ASIC2: variants seen among roughly 807,000 people sequenced by gnomAD.
ASIC2 encodes acid-sensing ion channel 2.
Under a neutral mutation model 57.3 loss-of-function variants are expected in ASIC2, and 25 were observed. The ratio of observed to expected loss-of-function variants is 0.44; its 90% confidence interval spans 0.32 to 0.61. ASIC2 has a LOEUF of 0.61. ASIC2 is among the 20% of genes least tolerant of loss of function. The pLI is 0.06. For missense variants in ASIC2, 641 were observed against 738.1 expected (o/e 0.87, Z 1.52); for synonymous variants, 319 against 307.5 (o/e 1.04, Z -0.39).
At chr17:33,772,386 G>C (rs1567711698) in intron 1 of ASIC2, among the ~76,000 whole-genome samples, 2 of 152,142 alleles carry the variant, frequency 1.3e-5, no homozygotes, top group African/African-American at 4.8e-5. Context: ...TCCATATTTT[G>C]TTGAACTTAA....
At chr17:33,442,047 T>C (rs1477350912) in intron 1 of ASIC2, among the ~76,000 whole-genome samples, 3 of 152,190 alleles carry the variant, frequency 2.0e-5, no homozygotes, top group Non-Finnish European at 2.9e-5. Flanking sequence ...CCCCCCCAAA[T>C]TGATTTAGCA....
intron 1 of ASIC2, among the ~76,000 whole-genome samples, chr17:33,620,240 G>GAAAAAAAAAAAA (rs35560840): frequency 5.3e-5 from 4 of 74,894 alleles, no homozygotes; most frequent in African/African-American, 1.4e-4. Flanking sequence ...AGAGGAAAAT[G>GAAAAAAAAAAAA]AAAAAAAAAA....
intron 1 of ASIC2, among the ~76,000 whole-genome samples, chr17:33,192,467 A>C (rs998013414): frequency 1.3e-5 from 2 of 151,978 alleles, no homozygotes; most frequent in African/African-American, 2.4e-5. Context: ...AACCAAAAAA[A>C]CCAAGACAGA....
intron 1 of ASIC2, among the ~76,000 whole-genome samples, chr17:33,247,427 C>T (rs757160533): frequency 1.3e-5 from 2 of 152,100 alleles, no homozygotes; most frequent in Non-Finnish European, 2.9e-5. Flanking sequence ...AGCTCTCCTT[C>T]GGATCTCTTT....
At chr17:34,028,077 A>G (rs1367679490) in intron 1 of ASIC2, among the ~76,000 whole-genome samples, 1 of 152,224 alleles carries the variant, frequency 6.6e-6, no homozygotes, top group African/African-American at 2.4e-5. Flanking sequence ...AAAAGAATGG[A>G]GCAGAATATA....
intron 1 of ASIC2, among the ~76,000 whole-genome samples, chr17:33,595,707 A>AT (rs1486120291): frequency 6.6e-6 from 1 of 152,064 alleles, no homozygotes; most frequent in African/African-American, 2.4e-5. Context: ...TTCATCTGTA[A>AT]AAATGGAATA....
At chr17:34,067,698 C>T (rs568377542) in intron 1 of ASIC2, among the ~76,000 whole-genome samples, 3 of 152,274 alleles carry the variant, frequency 2.0e-5, no homozygotes, top group Non-Finnish European at 4.4e-5. Context: ...GGTATACCCA[C>T]ACAATAGAAT....
chr17:33,345,920 T>A (rs1907924099), intron 1 of ASIC2, among the ~76,000 whole-genome samples: 1 of 151,854 alleles, frequency 6.6e-6, no homozygotes, highest in Non-Finnish European at 1.5e-5. Flanking sequence ...AGTAAGGTGT[T>A]GACAGCAGAG....
At chr17:33,305,498 A>G (rs1906133620) in intron 1 of ASIC2, among the ~76,000 whole-genome samples, 1 of 152,268 alleles carries the variant, frequency 6.6e-6, no homozygotes, top group Admixed American at 6.5e-5. Flanking sequence ...ACTGGTAGCT[A>G]GAATGTATAG....
At chr17:33,864,199 G>A (rs1057317065) in intron 1 of ASIC2, among the ~76,000 whole-genome samples, 16 of 152,006 alleles carry the variant, frequency 1.1e-4, no homozygotes, top group East Asian at 1.9e-4. Context: ...GAGCCACCCC[G>A]CCTGGCCAGT....
At chr17:33,504,816 A>G (rs1033822121) in intron 1 of ASIC2, among the ~76,000 whole-genome samples, 3 of 152,166 alleles carry the variant, frequency 2.0e-5, no homozygotes, top group Non-Finnish European at 4.4e-5. Context: ...GTAGAACTTG[A>G]CATTTATCTC....
intron 1 of ASIC2, among the ~76,000 whole-genome samples, chr17:33,777,312 G>C (rs910662057): frequency 6.6e-6 from 1 of 152,224 alleles, no homozygotes. Context: ...AAGCCATAAT[G>C]GCTTCCAAAA....
chr17:33,266,118 C>T (rs939598763), intron 1 of ASIC2, among the ~76,000 whole-genome samples: 3 of 152,186 alleles, frequency 2.0e-5, no homozygotes, highest in Admixed American at 6.5e-5. Context: ...GCCATTCAGA[C>T]CCCACAATGC....
chr17:34,156,309 T>A lies in ASIC2; in HGVS notation c.224A>T (p.Lys75Met). The A allele has an allele frequency of 6.2e-7, 1 of 1,614,216 alleles. No individual in the cohort carries two copies. The highest frequency in any genetic ancestry group is 8.5e-7 in the Non-Finnish European group (1 of 1,180,038). ...GCTTTGAGCCACCACTTCGTCCACCTTAGTGACATGCTGGTAGGAGAAGTA... is the reference window on the plus strand; with the variant it reads ...GCTTTGAGCCACCACTTCGTCCACCATAGTGACATGCTGGTAGGAGAAGTA... The change falls in exon 1 of 10, where the codon AAG becomes ATG. Residue 75 changes from lysine (K) to methionine (M), a missense_variant. Coordinates refer to the ASIC2 transcript ENST00000359872. This position sits in a 1 kb window ranked among gnomAD's most constrained non-coding sequence, Gnocchi z 4.4.
At chr17:33,208,362 C>A (rs1907147870) in intron 1 of ASIC2, among the ~76,000 whole-genome samples, 1 of 152,178 alleles carries the variant, frequency 6.6e-6, no homozygotes, top group Non-Finnish European at 1.5e-5. Context: ...AATGCAAGCT[C>A]CTTACTCAGG....
chr17:33,119,221 T>G (rs1167500754), intron 1 of ASIC2, among the ~76,000 whole-genome samples: 2 of 152,216 alleles, frequency 1.3e-5, no homozygotes, highest in African/African-American at 2.4e-5. Context: ...GTTTCTCATC[T>G]CTTCTTGCTT....
intron 1 of ASIC2, among the ~76,000 whole-genome samples, chr17:34,120,569 G>T (rs1911580222): frequency 6.6e-6 from 1 of 151,568 alleles, no homozygotes; most frequent in Non-Finnish European, 1.5e-5. Flanking sequence ...GGGTTGAATT[G>T]TATCTTCCCA....
At chr17:34,058,264 G>A (rs1409485073) in intron 1 of ASIC2, among the ~76,000 whole-genome samples, 2 of 152,172 alleles carry the variant, frequency 1.3e-5, no homozygotes, top group Non-Finnish European at 2.9e-5. Context: ...TTTTCTTTGA[G>A]GGTTCAATGA....
At chr17:33,499,916 G>T (rs62055329) in intron 1 of ASIC2, among the ~76,000 whole-genome samples, 1 of 152,230 alleles carries the variant, frequency 6.6e-6, no homozygotes, top group South Asian at 2.1e-4. Flanking sequence ...ATCAGGCCGC[G>T]GCCAGAGCTA....
Sources: gnomAD v4.1 joint callset for allele counts (sites outside exome capture counted in the v4.1 genomes callset) on GRCh38, gnomAD v4.1.1 for gene constraint, Gnocchi (gnomAD v3.1) non-coding constraint, MANE v1.5 for transcripts, NCBI Gene and HGNC (gene_info 2026-07-23, HGNC 2026-07-21) for gene names.